ZNF385B: variants seen among roughly 807,000 people sequenced by gnomAD.
ZNF385B encodes the protein zinc finger protein 385B, also known as zinc finger protein 533.
Under a neutral mutation model 39.2 loss-of-function variants are expected in ZNF385B, and 23 were observed. That is an observed-to-expected ratio of 0.59 (90% CI 0.42 to 0.83). The LOEUF (loss-of-function observed/expected upper bound fraction) is 0.83, where lower values mean the gene tolerates loss of function less well. Among genes scored for constraint, ZNF385B ranks in the 40% least tolerant of loss-of-function variants. The pLI is 0.00. For missense variants in ZNF385B, 552 were observed against 598.9 expected (o/e 0.92, Z 0.82); for synonymous variants, 205 against 222.6 (o/e 0.92, Z 0.70).
At chr2:179,781,088 T>C (rs1704636933) in intron 1 of ZNF385B, among the ~76,000 whole-genome samples, 1 of 152,196 alleles carries the variant, frequency 6.6e-6, no homozygotes, top group South Asian at 2.1e-4. Context: ...ATCTGTAGAT[T>C]CAATGCAATC....
chr2:179,833,528 A>G, intron 1 of ZNF385B, among the ~76,000 whole-genome samples: 1 of 152,192 alleles, frequency 6.6e-6, no homozygotes, highest in Non-Finnish European at 1.5e-5. Flanking sequence ...TTAGAGTTCT[A>G]CAAATGTACT....
At chr2:179,663,544 A>G (rs187493085) in intron 3 of ZNF385B, among the ~76,000 whole-genome samples, 2 of 152,130 alleles carry the variant, frequency 1.3e-5, no homozygotes, top group East Asian at 3.9e-4. Flanking sequence ...ACCCGTCTCT[A>G]CTAAAAATAC....
At chr2:179,734,408 A>G (rs532314612) in intron 3 of ZNF385B, among the ~76,000 whole-genome samples, 1 of 152,350 alleles carries the variant, frequency 6.6e-6, no homozygotes, top group African/African-American at 2.4e-5. Flanking sequence ...ATAACAATGT[A>G]TGAGAGTGCC....
intron 3 of ZNF385B, among the ~76,000 whole-genome samples, chr2:179,673,123 G>A (rs935971559): frequency 6.6e-6 from 1 of 152,046 alleles, no homozygotes; most frequent in Admixed American, 6.6e-5. Flanking sequence ...ACCCTTACAT[G>A]GTTCAGGATT....
chr2:179,674,015 A>G (rs1052140193), intron 3 of ZNF385B, among the ~76,000 whole-genome samples: 2 of 152,204 alleles, frequency 1.3e-5, no homozygotes, highest in African/African-American at 4.8e-5. Context: ...CAGTTACTAT[A>G]TATGTTATTA....
At chr2:179,761,583 G>GT (rs1559170967) in intron 3 of ZNF385B, among the ~76,000 whole-genome samples, 154 of 146,592 alleles carry the variant, frequency 1.1e-3, no homozygotes, top group African/African-American at 3.6e-3. Context: ...ATATGCAATT[G>GT]ATTTTTTTTT....
At chr2:179,852,451 G>C (rs1208123340) in intron 1 of ZNF385B, among the ~76,000 whole-genome samples, 1 of 152,120 alleles carries the variant, frequency 6.6e-6, no homozygotes, top group South Asian at 2.1e-4. Context: ...GCCAAAAATC[G>C]CTGGCTCCAG....
chr2:179,475,903 G>C (rs2053391299), intron 6 of ZNF385B, among the ~76,000 whole-genome samples: 2 of 149,888 alleles, frequency 1.3e-5, no homozygotes, highest in East Asian at 2.0e-4. Flanking sequence ...TGTAATCCCA[G>C]CTACTTGGGA....
intron 3 of ZNF385B, among the ~76,000 whole-genome samples, chr2:179,672,727 T>C (rs932506344): frequency 5.3e-5 from 8 of 152,330 alleles, no homozygotes; most frequent in South Asian, 2.1e-4. Flanking sequence ...TTTTCATCTA[T>C]GATGAAGTGG....
chr2:179,557,205 G>A (rs1198997503), intron 3 of ZNF385B, among the ~76,000 whole-genome samples: 2 of 149,204 alleles, frequency 1.3e-5, no homozygotes, highest in Non-Finnish European at 3.0e-5. Context: ...ATTTAAGTCT[G>A]TACAATCAAA....
intron 3 of ZNF385B, among the ~76,000 whole-genome samples, chr2:179,719,124 C>T (rs1289730989): frequency 6.6e-6 from 1 of 152,038 alleles, no homozygotes; most frequent in African/African-American, 2.4e-5. Flanking sequence ...CTATATGTTG[C>T]CCATGGACAA....
chr2:179,514,872 G>A (rs907866188), intron 5 of ZNF385B, among the ~76,000 whole-genome samples: 4 of 151,228 alleles, frequency 2.6e-5, no homozygotes, highest in African/African-American at 9.7e-5. Context: ...TCTGCCACCT[G>A]GGTTCAAGCG....
intron 3 of ZNF385B, among the ~76,000 whole-genome samples, chr2:179,737,060 T>C (rs1701808921): frequency 6.6e-6 from 1 of 152,190 alleles, no homozygotes; most frequent in African/African-American, 2.4e-5. Flanking sequence ...CCAAACCTCA[T>C]CACATTGTTT....
At chr2:179,696,878 T>C (rs1244545482) in intron 3 of ZNF385B, among the ~76,000 whole-genome samples, 2 of 152,158 alleles carry the variant, frequency 1.3e-5, no homozygotes, top group Non-Finnish European at 2.9e-5. Context: ...CCATCTACCA[T>C]TCTTAATTCA....
chr2:179,498,587 G>A (rs1252412039), intron 5 of ZNF385B, among the ~76,000 whole-genome samples: 1 of 151,916 alleles, frequency 6.6e-6, no homozygotes. Flanking sequence ...CCTGAATGAT[G>A]AGTGGTTCAA....
chr2:179,792,647 T>A (rs1575500018), intron 1 of ZNF385B, among the ~76,000 whole-genome samples: 1 of 122,862 alleles, frequency 8.1e-6, no homozygotes, highest in African/African-American at 2.6e-5. Flanking sequence ...AGTGCTGGGA[T>A]TACAGGCGTG....
intron 6 of ZNF385B, among the ~76,000 whole-genome samples, chr2:179,462,032 C>G (rs928630763): frequency 6.6e-6 from 1 of 152,162 alleles, no homozygotes; most frequent in African/African-American, 2.4e-5. Flanking sequence ...TTTCTGAGGT[C>G]TCTGAAGAAT....
At chr2:179,818,465 G>A (rs1209796102) in intron 1 of ZNF385B, among the ~76,000 whole-genome samples, 1 of 152,092 alleles carries the variant, frequency 6.6e-6, no homozygotes, top group African/African-American at 2.4e-5. Flanking sequence ...CTTTAAATCA[G>A]TATTACAACT....
intron 6 of ZNF385B, among the ~76,000 whole-genome samples, chr2:179,450,122 A>G (rs1436148351): frequency 6.6e-6 from 1 of 151,660 alleles, no homozygotes; most frequent in African/African-American, 2.4e-5. Context: ...TAAAGACTTA[A>G]ATGTTAGACC....
Sources: gnomAD v4.1 joint callset for allele counts (sites outside exome capture counted in the v4.1 genomes callset) on GRCh38, gnomAD v4.1.1 for gene constraint, MANE v1.5 for transcripts, NCBI Gene and HGNC (gene_info 2026-07-23, HGNC 2026-07-21) for gene names.